The following BRWD1 variants were observed in gnomAD, a reference collection of about 807,000 sequenced individuals.
The protein encoded by BRWD1 is bromodomain and WD repeat domain containing 1, also known as bromodomain and WD repeat-containing protein 1.
BRWD1 carries 82 observed loss-of-function variants against 251.2 expected under a neutral mutation model. The observed-to-expected ratio is 0.33, with a 90% CI of 0.27 to 0.39. The LOEUF (loss-of-function observed/expected upper bound fraction) is 0.39. Ranked by LOEUF, BRWD1 falls within the 10% of genes least tolerant of loss-of-function variation. The pLI, the probability that BRWD1 is intolerant of heterozygous loss-of-function variation, is 1.00. For synonymous variants in BRWD1, 918 were observed against 902.8 expected (o/e 1.02, Z -0.30); for missense variants, 2,233 against 2,711.6 (o/e 0.82, Z 3.92).
chr21:39,218,617 T>A lies in BRWD1; in HGVS notation c.3426A>T (p.Thr1142=). 1 of 1,610,438 alleles carries A rather than the reference T, an allele frequency of 6.2e-7. No homozygotes were observed. Among genetic ancestry groups the A allele is most frequent in the South Asian group, 1.1e-5 (1 of 90,124 alleles). The part of the protein sequence containing the change: ...EELGASISVT[T]DELEKLLYKP... ...TATAGAGCAATTTCTCTAGCTCATC[T>A]GTTGTGACAGAAATACTAGCTCCTA... is the stretch of plus-strand genomic sequence containing the variant. Residue 1142 remains threonine, a synonymous_variant, in exon 30 of 41, where the codon ACA becomes ACT. Transcript: ENST00000342449.
At chr21:39,297,857 T>C (rs1207037589) in intron 5 of BRWD1, 1 of 974,636 alleles carries the variant, frequency 1.0e-6, no homozygotes, top group African/African-American at 1.8e-5. Context: ...ATCACATACA[T>C]ATACTTAGTC....
intron 25 of BRWD1, among the ~76,000 whole-genome samples, chr21:39,231,394 G>A (rs890930787): frequency 6.6e-6 from 1 of 152,018 alleles, no homozygotes; most frequent in Non-Finnish European, 1.5e-5. Context: ...CAACCTTCAA[G>A]TACAAGATGG....
At chr21:39,235,100 T>C (rs908888567) in intron 23 of BRWD1, among the ~76,000 whole-genome samples, 29 of 152,032 alleles carry the variant, frequency 1.9e-4, no homozygotes, top group Non-Finnish European at 1.5e-4. Context: ...AATACGAAAC[T>C]TAGCCAGGCG....
In BRWD1 at chr21:39,197,259, T is replaced by C. The variant is rs1568853674; in HGVS notation, c.5810A>G (p.Asn1937Ser). The part of the protein sequence containing the change: ...ITRRCAATAA[N>S]KIKLMSDVED... ...TACATCACTCATGAGCTTGATCTTA[T>C]TGGCAGCCGTAGCTGCACATCTTCG... Residue 1937 changes from asparagine to serine, a missense_variant, in exon 41 of 41, where the codon AAT becomes AGT. By Grantham distance (46) the Asn-to-Ser change is conservative (BLOSUM62 1). This residue lies in a region of BRWD1 where 928 missense variants were observed against 970.0 expected (regional missense o/e 0.96). Coordinates refer to ENST00000342449, the MANE Select transcript of BRWD1 (RefSeq NM_033656.4). 2 of 1,614,114 alleles carry C rather than the reference T, an allele frequency of 1.2e-6. No individual in the cohort carries two copies. Among genetic ancestry groups the C allele is most frequent in the Non-Finnish European group, 8.5e-7 (1 of 1,179,950 alleles).
chr21:39,298,336 T>A, intron 5 of BRWD1, 96 bp downstream of exon 5: 1 of 1,398,886 alleles, frequency 7.1e-7, no homozygotes, highest in Non-Finnish European at 9.3e-7. Flanking sequence ...TATAGTTACA[T>A]TATCACCTTT....
In BRWD1 at chr21:39,189,163, A is replaced by G; in HGVS notation, c.*7096T>C. ...TACAAAGGGTAAACAAAAATTTTAA[A>G]ATATGCAAAATTAAGGTGAAATTTG... On this transcript the variant is annotated 3_prime_UTR_variant, in exon 41 of 41. Transcript: ENST00000342449. 1.0e-6 allele frequency: 1 copy of G among 984,516 alleles called. No individual in the cohort carries two copies. The highest frequency in any genetic ancestry group is 1.2e-6 in the Non-Finnish European group (1 of 829,064). 61.0% of individuals were successfully genotyped at this position (984,516 alleles called of 1,614,324 possible).
Position 39,213,449 on chromosome 21 carries a change from A to G in BRWD1, c.3858+32T>C, listed in dbSNP as rs753809284. On this transcript the variant is annotated intron_variant, in intron 33 of 40. Transcript: ENST00000342449. The stretch of plus-strand genomic sequence containing the variant: ...TTTAAAAATACCATTTGAAATTAAC[A>G]AAAACCATTATAAAATCAACAAACT... 4 of 1,572,416 alleles carry G rather than the reference A, an allele frequency of 2.5e-6. No homozygotes were observed. In the South Asian group the frequency reaches 4.5e-5, roughly 18 times the overall value.
chr21:39,313,434 G>T lies in BRWD1; in HGVS notation c.49+9C>A, dbSNP rs1288480217. 2 of 1,403,964 alleles carry T rather than the reference G, an allele frequency of 1.4e-6. No homozygotes were observed. The highest frequency in any genetic ancestry group is 1.8e-6 in the Non-Finnish European group (2 of 1,082,096). 87.0% of individuals were successfully genotyped at this position (1,403,964 alleles called of 1,614,324 possible). ...GCCAGGGCGGGGGTGGCACGGCCTC[G>T]CGTCTTACCCGACTCGATGAGAGGC... On this transcript the variant is annotated intron_variant, in intron 1 of 40. Transcript: ENST00000342449.
At position 39,191,870 on chromosome 21, in the gene BRWD1, A is replaced by AT. The variant is rs2031571072; in HGVS notation, c.*4388dup. On this transcript the variant is annotated 3_prime_UTR_variant, in exon 41 of 41. Coordinates refer to ENST00000342449, the MANE Select transcript of BRWD1 (RefSeq NM_033656.4). ...TGAAAAAACTTACCTTAAAACTGACATAACTAAAATATGACCAGAAAGTAT... is the reference window on the plus strand; with the variant it reads ...TGAAAAAACTTACCTTAAAACTGACATTAACTAAAATATGACCAGAAAGTAT... 2 of 984,120 alleles carry AT rather than the reference A, an allele frequency of 2.0e-6. No homozygotes were observed. Among genetic ancestry groups the AT allele is most frequent in the South Asian group, 9.4e-5 (2 of 21,272 alleles). The allele number at this position is 984,120 out of a possible 1,614,324, so 61.0% of individuals were successfully genotyped here.
chr21:39,314,203 C>A (rs1182601541), upstream of BRWD1: 1 of 455,832 alleles, frequency 2.2e-6, no homozygotes, highest in African/African-American at 2.0e-5. Flanking sequence ...CAGAGGGGAA[C>A]GCCGCCCGGA....
intron 31 of BRWD1, chr21:39,216,964 TG>T (rs2032921520): frequency 7.0e-6 from 1 of 142,314 alleles, no homozygotes; most frequent in African/African-American, 2.6e-5. Context: ...TAGTGTGTGT[TG>T]TTCCCCTCTG....
Position 39,187,043 on chromosome 21 carries a change from T to C in BRWD1, c.*9216A>G, listed in dbSNP as rs778835974. The C allele has an allele frequency of 1.9e-6, 3 of 1,567,408 alleles. No individual in the cohort carries two copies. The highest frequency in any genetic ancestry group is 2.6e-6 in the Non-Finnish European group (3 of 1,163,340). On this transcript the variant is annotated 3_prime_UTR_variant, in exon 41 of 41. Transcript: ENST00000342449. ...CATAGTCACTATTGTGCATTTTCTT[T>C]CCAGGATCTGAACCCCCTTAAAAAA...
intron 10 of BRWD1, 108 bp from the exon 11 acceptor site, chr21:39,277,459 A>G (rs1431740008): frequency 1.5e-6 from 1 of 682,548 alleles, no homozygotes; most frequent in Non-Finnish European, 2.2e-6. Context: ...CCCTAAAACT[A>G]AGTTTATCTC....
intron 20 of BRWD1, 96 bp from the exon 21 acceptor site, chr21:39,247,928 A>G: frequency 7.5e-7 from 1 of 1,338,560 alleles, no homozygotes; most frequent in Non-Finnish European, 9.8e-7. Flanking sequence ...AAGGATTTAA[A>G]GCAAAAAGAA....
chr21:39,187,230 T>C lies in BRWD1; in HGVS notation c.*9029A>G. 1 of 1,613,694 alleles carries C rather than the reference T, an allele frequency of 6.2e-7. No homozygotes were observed. The highest frequency in any genetic ancestry group is 8.5e-7 in the Non-Finnish European group (1 of 1,179,860). ...TCCTAATCCAGACATTTTCTGGTCC[T>C]GAGATCGTTTCTTTTAGATTACTCA... On this transcript the variant is annotated 3_prime_UTR_variant, in exon 41 of 41. Coordinates refer to ENST00000342449, the MANE Select transcript of BRWD1 (RefSeq NM_033656.4).
At chr21:39,214,013 T>C (rs1448141366) in intron 32 of BRWD1, among the ~76,000 whole-genome samples, 1 of 151,914 alleles carries the variant, frequency 6.6e-6, no homozygotes, top group Non-Finnish European at 1.5e-5. Flanking sequence ...TGCTGAAATA[T>C]GGATATCTAA....
chr21:39,313,818 C>G (rs923639313), upstream of BRWD1: 1 of 356,228 alleles, frequency 2.8e-6, no homozygotes. Context: ...AGGCAAAGAC[C>G]TGGGCGCCGC....
At chr21:39,290,596 G>C (rs902548023) in intron 8 of BRWD1, among the ~76,000 whole-genome samples, 9 of 152,088 alleles carry the variant, frequency 5.9e-5, no homozygotes, top group African/African-American at 2.2e-4. Flanking sequence ...TCATTTCAGG[G>C]AAGACTAGAA....
At chr21:39,225,927 T>C (rs2033365530) in intron 27 of BRWD1, among the ~76,000 whole-genome samples, 1 of 152,142 alleles carries the variant, frequency 6.6e-6, no homozygotes. Context: ...TATCCAAATC[T>C]CTAATACCCT....
Sources: allele counts gnomAD v4.1 joint callset (sites outside exome capture counted in the v4.1 genomes callset), GRCh38; gene constraint gnomAD v4.1.1; regional missense constraint gnomAD v4.1.1; transcripts MANE v1.5; gene names NCBI Gene and HGNC (gene_info 2026-07-23, HGNC 2026-07-21).